FMN2: variants seen among roughly 807,000 people sequenced by gnomAD.
FMN2 encodes the protein formin 2, also known as formin-2.
In FMN2, 51 loss-of-function variants were observed where a neutral mutation model predicts 142.3. That is an observed-to-expected ratio of 0.36 (90% CI 0.29 to 0.45). The LOEUF (loss-of-function observed/expected upper bound fraction) is 0.45. Ranked by LOEUF, FMN2 falls within the 20% of genes least tolerant of loss-of-function variation. The pLI is 1.00. For missense variants in FMN2, 1,936 were observed against 2,122.8 expected (o/e 0.91, Z 1.73); for synonymous variants, 882 against 869.8 (o/e 1.01, Z -0.25).
chr1:240,334,067 T>A lies in FMN2; in HGVS notation c.4645-42T>A, dbSNP rs370102721. 6.3e-5 allele frequency: 99 copies of A among 1,572,540 alleles called. No individual in the cohort carries two copies. The African/African-American group carries it at 1.3e-3, about 20-fold the overall frequency. On this transcript the variant is annotated intron_variant, in intron 12 of 17. Transcript: ENST00000319653. ...CTGCTATTATTCTTTTTTATATTGA[T>A]AACCAATTTCTTTAAATATGATGGG...
chr1:240,279,757 TTAAAG>T (rs71871832), intron 7 of FMN2, among the ~76,000 whole-genome samples: 9,634 of 152,160 alleles, frequency 0.063, 316 homozygotes, highest in East Asian at 0.12. Context: ...CAAGGAAACA[TTAAAG>T]TAATTTTTAC....
At chr1:240,135,788 T>A (rs1662913933) in intron 2 of FMN2, among the ~76,000 whole-genome samples, 1 of 151,624 alleles carries the variant, frequency 6.6e-6, no homozygotes, top group Admixed American at 6.6e-5. Context: ...CAAGCGATTC[T>A]CGTGTCTCAG....
At chr1:240,143,129 G>A in intron 2 of FMN2, 2 of 1,564,950 alleles carry the variant, frequency 1.3e-6, no homozygotes, top group South Asian at 1.1e-5. Flanking sequence ...GGTCGTTGGG[G>A]TCCTTGGCAT....
At chr1:240,144,581 A>G (rs1663351977) in intron 2 of FMN2, 1 of 1,374,290 alleles carries the variant, frequency 7.3e-7, no homozygotes, top group Non-Finnish European at 1.0e-6. Flanking sequence ...TGCCAATCTC[A>G]GAGCTTTAGG....
At chr1:240,135,660 T>C (rs1334178190) in intron 2 of FMN2, among the ~76,000 whole-genome samples, 1 of 151,762 alleles carries the variant, frequency 6.6e-6, no homozygotes, top group African/African-American at 2.4e-5. Context: ...TCTATCATTT[T>C]CGAAAGGACT....
At chr1:240,415,686 C>G (rs1272290322) in intron 15 of FMN2, among the ~76,000 whole-genome samples, 2 of 152,140 alleles carry the variant, frequency 1.3e-5, no homozygotes, top group Non-Finnish European at 2.9e-5. Context: ...AAGCATTAGT[C>G]ATAATACACC....
chr1:240,253,848 T>G (rs577291058), intron 6 of FMN2, among the ~76,000 whole-genome samples: 2 of 152,154 alleles, frequency 1.3e-5, no homozygotes, highest in African/African-American at 4.8e-5. Flanking sequence ...CTCTGTATGA[T>G]TTTTTTCATC....
At chr1:240,265,730 G>T (rs904020881) in intron 7 of FMN2, among the ~76,000 whole-genome samples, 2 of 152,038 alleles carry the variant, frequency 1.3e-5, no homozygotes, top group African/African-American at 4.8e-5. Flanking sequence ...TATATCTCTA[G>T]TCCTCAGTTT....
At chr1:240,420,667 C>T (rs190321284) in intron 15 of FMN2, among the ~76,000 whole-genome samples, 3 of 152,260 alleles carry the variant, frequency 2.0e-5, no homozygotes, top group Admixed American at 2.0e-4. Flanking sequence ...GATGCCGTCA[C>T]AGCTGGTGTG....
At chr1:240,172,119 G>A (rs11810752) in intron 2 of FMN2, among the ~76,000 whole-genome samples, 47,059 of 152,006 alleles carry the variant, frequency 0.31, 7,838 homozygotes, top group African/African-American at 0.45. Flanking sequence ...ACAAGGGAAT[G>A]TAGGATTTGG....
At chr1:240,214,560 AAAAAAAG>A (rs199701284) in intron 6 of FMN2, among the ~76,000 whole-genome samples, 2,668 of 150,836 alleles carry the variant, frequency 0.018, 55 homozygotes, top group African/African-American at 0.062. Context: ...CAAAAAAAAA[AAAAAAAG>A]AAAAAGAAAA....
intron 8 of FMN2, among the ~76,000 whole-genome samples, chr1:240,319,629 C>T (rs551147083): frequency 3.9e-5 from 6 of 152,206 alleles, no homozygotes; most frequent in South Asian, 2.1e-4. Context: ...GAAACGATGT[C>T]GTCTTGGAAG....
At chr1:240,450,412 A>G (rs1235781673) in intron 16 of FMN2, among the ~76,000 whole-genome samples, 1 of 152,222 alleles carries the variant, frequency 6.6e-6, no homozygotes, top group African/African-American at 2.4e-5. Context: ...GATCTGTAAT[A>G]AAACACCTAG....
intron 15 of FMN2, among the ~76,000 whole-genome samples, chr1:240,420,961 A>G (rs1287955249): frequency 6.6e-6 from 1 of 152,178 alleles, no homozygotes; most frequent in East Asian, 1.9e-4. Context: ...TGCAGGTCCA[A>G]CCTCCATGGA....
intron 15 of FMN2, among the ~76,000 whole-genome samples, chr1:240,393,398 C>T (rs1673673661): frequency 6.6e-6 from 1 of 152,050 alleles, no homozygotes; most frequent in African/African-American, 2.4e-5. Context: ...ATGACCTGAC[C>T]CATATAAGAT....
At chr1:240,209,365 C>T (rs369480867) in intron 5 of FMN2, among the ~76,000 whole-genome samples, 228 of 151,806 alleles carry the variant, frequency 1.5e-3, no homozygotes, top group African/African-American at 5.3e-3. Context: ...ATTCTCCTGC[C>T]TCAGCCTCCC....
At chr1:240,128,656 G>A (rs1018452420) in intron 2 of FMN2, among the ~76,000 whole-genome samples, 3 of 152,152 alleles carry the variant, frequency 2.0e-5, no homozygotes, top group African/African-American at 7.2e-5. Context: ...GGATGAATAT[G>A]TGAGCGAAGC....
intron 8 of FMN2, among the ~76,000 whole-genome samples, chr1:240,328,168 A>AAAAAAAG (rs1553363688): frequency 2.2e-5 from 3 of 135,796 alleles, no homozygotes; most frequent in Admixed American, 8.5e-5. Context: ...AAAAAAAAAA[A>AAAAAAAG]AAAAGAAAAA....
intron 16 of FMN2, among the ~76,000 whole-genome samples, chr1:240,461,062 C>T (rs142928156): frequency 5.6e-4 from 86 of 152,312 alleles, no homozygotes; most frequent in South Asian, 2.1e-3. Context: ...GCAAGCTCTC[C>T]GCTTACCTGC....
Sources: allele counts gnomAD v4.1 joint callset (sites outside exome capture counted in the v4.1 genomes callset), GRCh38; gene constraint gnomAD v4.1.1; transcripts MANE v1.5; gene names NCBI Gene and HGNC (gene_info 2026-07-23, HGNC 2026-07-21).